The following RBMS1 variants were observed in gnomAD, a reference collection of about 807,000 sequenced individuals.
RBMS1 encodes RNA binding motif single stranded interacting protein 1.
A neutral mutation model predicts 62.3 loss-of-function variants in RBMS1; 17 were observed. The observed-to-expected ratio is 0.27, with a 90% CI of 0.19 to 0.41. RBMS1 has a LOEUF of 0.41. Ranked by LOEUF, RBMS1 falls within the 10% of genes least tolerant of loss-of-function variation. The pLI is 1.00. For synonymous variants in RBMS1, 172 were observed against 170.0 expected, an observed-to-expected ratio of 1.01 and a Z score of -0.09; for missense variants, 334 against 504.5, an observed-to-expected ratio of 0.66 and a Z score of 3.24.
intron 2 of RBMS1, among the ~76,000 whole-genome samples, chr2:160,356,911 G>C (rs1341058277): frequency 2.6e-5 from 4 of 152,124 alleles, no homozygotes; most frequent in Non-Finnish European, 4.4e-5. Flanking sequence ...TTGGCTGCTA[G>C]CATTATTTAG....
At chr2:160,300,571 T>C (rs1171090458) in intron 6 of RBMS1, 80 bp downstream of exon 6, 2 of 1,421,584 alleles carry the variant, frequency 1.4e-6, no homozygotes, top group African/African-American at 1.5e-5. Flanking sequence ...GTTTTTGTTC[T>C]ATTGAAGAGT....
intron 6 of RBMS1, among the ~76,000 whole-genome samples, chr2:160,288,135 C>T (rs1688501884): frequency 6.6e-6 from 1 of 151,074 alleles, no homozygotes; most frequent in Non-Finnish European, 1.5e-5. Flanking sequence ...GCAGTGTATT[C>T]CAGAAAGTTG....
In RBMS1 at chr2:160,455,849, A is replaced by G. The variant is rs1303619757; in HGVS notation, c.75+37440T>C. 2.0e-5 allele frequency among the ~76,000 whole-genome samples: 3 copies of G among 151,552 alleles called. No homozygotes were observed. In the East Asian group the frequency reaches 5.8e-4, roughly 29 times the overall value. On this transcript the variant is annotated intron_variant, in intron 1 of 13. Coordinates refer to ENST00000348849, the MANE Select transcript of RBMS1 (RefSeq NM_016836.4). ...CAGGCGCCCGCTACCACGCCCGGCTAATTTTTTGTATTTTTAGTAGAGACG... is the reference window on the plus strand; with the variant it reads ...CAGGCGCCCGCTACCACGCCCGGCTGATTTTTTGTATTTTTAGTAGAGACG...
At chr2:160,356,654 T>C (rs113564897) in intron 2 of RBMS1, among the ~76,000 whole-genome samples, 167 of 152,282 alleles carry the variant, frequency 1.1e-3, no homozygotes, top group African/African-American at 3.9e-3. Context: ...CTCCATGTTA[T>C]GAAGCAGCAA....
intron 1 of RBMS1, among the ~76,000 whole-genome samples, chr2:160,452,040 G>A (rs1684013522): frequency 6.6e-6 from 1 of 151,966 alleles, no homozygotes; most frequent in South Asian, 2.1e-4. Flanking sequence ...AAGCAAACTT[G>A]AACCCCTTAA....
intron 1 of RBMS1, among the ~76,000 whole-genome samples, chr2:160,372,498 C>A (rs1013708631): frequency 6.6e-6 from 1 of 152,136 alleles, no homozygotes; most frequent in Non-Finnish European, 1.5e-5. Context: ...CACAGGGAAA[C>A]AGTATAAGAT....
chr2:160,467,536 A>G (rs1178953292), intron 1 of RBMS1, among the ~76,000 whole-genome samples: 2 of 152,204 alleles, frequency 1.3e-5, no homozygotes, highest in Non-Finnish European at 2.9e-5. Flanking sequence ...ATAATTTTCA[A>G]TGTATGAGAG....
chr2:160,275,818 T>TAA, intron 12 of RBMS1, 104 bp from the exon 13 acceptor site: 1 of 1,500,420 alleles, frequency 6.7e-7, no homozygotes, highest in East Asian at 2.3e-5. Flanking sequence ...ACAGTTACTC[T>TAA]TTAAAGTAAA....
intron 1 of RBMS1, among the ~76,000 whole-genome samples, chr2:160,388,487 G>A (rs539243832): frequency 1.3e-5 from 2 of 152,270 alleles, no homozygotes; most frequent in South Asian, 2.1e-4. Context: ...TGCTAAGCTG[G>A]AAGGGCTACT....
intron 1 of RBMS1, among the ~76,000 whole-genome samples, chr2:160,392,124 C>T (rs1441120685): frequency 6.6e-6 from 1 of 152,158 alleles, no homozygotes; most frequent in Non-Finnish European, 1.5e-5. Flanking sequence ...ATCAGACCTA[C>T]CTTCACTTGG....
At chr2:160,479,396 T>C (rs1225060251) in intron 1 of RBMS1, among the ~76,000 whole-genome samples, 2 of 152,228 alleles carry the variant, frequency 1.3e-5, no homozygotes, top group Non-Finnish European at 2.9e-5. Flanking sequence ...GAAGCAGCTA[T>C]GCTAGCTGTA....
At chr2:160,392,178 A>G (rs1157660078) in intron 1 of RBMS1, among the ~76,000 whole-genome samples, 1 of 152,172 alleles carries the variant, frequency 6.6e-6, no homozygotes. Context: ...AATAAGTACT[A>G]TCTGGTTTGG....
chr2:160,386,328 G>C (rs62177320), intron 1 of RBMS1, among the ~76,000 whole-genome samples: 4,261 of 152,290 alleles, frequency 0.028, 101 homozygotes, highest in Non-Finnish European at 0.043. Flanking sequence ...ACGAGGTCAA[G>C]AGTTCGAGAC....
intron 9 of RBMS1, chr2:160,282,776 G>C (rs1036293351): frequency 6.5e-6 from 1 of 153,612 alleles, no homozygotes; most frequent in East Asian, 1.9e-4. Flanking sequence ...TAGGGAAATA[G>C]AACATTTTTC....
At chr2:160,476,526 G>A (rs1685135010) in intron 1 of RBMS1, among the ~76,000 whole-genome samples, 1 of 149,596 alleles carries the variant, frequency 6.7e-6, no homozygotes, top group African/African-American at 2.5e-5. Context: ...ATTGTAATAG[G>A]CACAAAACTG....
intron 1 of RBMS1, among the ~76,000 whole-genome samples, chr2:160,461,322 A>G (rs1449584869): frequency 6.6e-6 from 1 of 152,216 alleles, no homozygotes; most frequent in African/African-American, 2.4e-5. Flanking sequence ...AAGAAAAAAT[A>G]TGCTCTTTTG....
intron 1 of RBMS1, among the ~76,000 whole-genome samples, chr2:160,425,429 A>T (rs1193348942): frequency 3.9e-5 from 6 of 152,188 alleles, no homozygotes; most frequent in African/African-American, 1.4e-4. Flanking sequence ...AATGTTCCTC[A>T]TCTATTCATT....
intron 2 of RBMS1, among the ~76,000 whole-genome samples, chr2:160,352,943 G>A (rs1692598115): frequency 6.6e-6 from 1 of 151,982 alleles, no homozygotes; most frequent in Non-Finnish European, 1.5e-5. Flanking sequence ...CAATGTTGAG[G>A]CAAAAAAATT....
At chr2:160,342,758 A>C (rs984468347) in intron 2 of RBMS1, among the ~76,000 whole-genome samples, 2 of 112,520 alleles carry the variant, frequency 1.8e-5, no homozygotes, top group African/African-American at 6.3e-5. Context: ...CTCTACTAAA[A>C]ATACAAAATA....
Sources: gnomAD v4.1 joint callset for allele counts (sites outside exome capture counted in the v4.1 genomes callset) on GRCh38, gnomAD v4.1.1 for gene constraint, MANE v1.5 for transcripts, NCBI Gene and HGNC (gene_info 2026-07-23, HGNC 2026-07-21) for gene names.